The following DNAH7 variants were observed in gnomAD, a reference collection of about 807,000 sequenced individuals.
DNAH7 encodes axonemal beta dynein heavy chain 7.
DNAH7 carries 397 observed loss-of-function variants against 444.6 expected under a neutral mutation model. The observed-to-expected ratio is 0.89, with a 90% CI of 0.82 to 0.97. The LOEUF is 0.97. Among genes scored for constraint, DNAH7 ranks in the 50% least tolerant of loss-of-function variants. The probability of loss-of-function intolerance (pLI) is 0.00; values close to 1 mark genes in which losing one functional copy is unlikely to be tolerated. For missense variants in DNAH7, 4,902 were observed against 4,800.8 expected, an observed-to-expected ratio of 1.02 and a Z score of -0.62; for synonymous variants, 1,636 against 1,624.4, an observed-to-expected ratio of 1.01 and a Z score of -0.17.
At chr2:195,785,841 CTTT>C (rs1328625099) in intron 58 of DNAH7, among the ~76,000 whole-genome samples, 1 of 151,978 alleles carries the variant, frequency 6.6e-6, no homozygotes, top group Non-Finnish European at 1.5e-5. Flanking sequence ...GCTTCTCATC[CTTT>C]TTTATTTTTT....
intron 12 of DNAH7, among the ~76,000 whole-genome samples, chr2:195,991,205 T>C (rs185462343): frequency 4.1e-4 from 62 of 152,132 alleles, no homozygotes; most frequent in African/African-American, 1.4e-3. Context: ...AACTGACTCA[T>C]AGTTTGCCTA....
intron 15 of DNAH7, among the ~76,000 whole-genome samples, chr2:195,973,648 T>C (rs956424775): frequency 6.6e-6 from 1 of 152,070 alleles, no homozygotes; most frequent in Non-Finnish European, 1.5e-5. Context: ...TGTTTTGTAA[T>C]TTGAGTAGAG....
chr2:195,901,006 T>C (rs942973902), intron 27 of DNAH7: 3 of 152,254 alleles, frequency 2.0e-5, no homozygotes, highest in East Asian at 1.9e-4. Flanking sequence ...AAAAAGACCA[T>C]TGTAAAGATA....
chr2:195,968,979 T>A (rs890965741), intron 17 of DNAH7, among the ~76,000 whole-genome samples: 1 of 152,246 alleles, frequency 6.6e-6, no homozygotes, highest in Non-Finnish European at 1.5e-5. Flanking sequence ...ATTCTCTCTC[T>A]GCACCACATG....
In DNAH7 at chr2:195,857,596, A is replaced by G. The variant is rs759794645; in HGVS notation, c.8195T>C (p.Ile2732Thr). ...IPDPTGSGKK[I>T]EDFWGPAKRL... is the part of the protein sequence containing the mutation. ...CTTAGCTGGGCCCCAGAAATCCTCA[A>G]TTTTTTTCCCTGAACCTGTTGGGTC... The change falls in exon 44 of 65, where the codon ATT (isoleucine) becomes ACT (threonine). Residue 2732 changes from isoleucine (I) to threonine (T), a missense_variant. Ile to Thr is a moderately conservative substitution (Grantham distance 89). Coordinates refer to ENST00000312428, the MANE Select transcript of DNAH7 (RefSeq NM_018897.3). The G allele has an allele frequency of 1.9e-6, 3 of 1,613,796 alleles. No individual in the cohort carries two copies. Among genetic ancestry groups the G allele is most frequent in the East Asian group, 4.5e-5 (2 of 44,862 alleles).
At position 195,858,678 on chromosome 2, in the gene DNAH7, T is replaced by C. The variant is rs1177434313; in HGVS notation, c.7863A>G (p.Lys2621=). 3 of 1,614,058 alleles carry C rather than the reference T, an allele frequency of 1.9e-6. No homozygotes were observed. The South Asian group carries it at 3.3e-5, about 18-fold the overall frequency. Residue 2621 remains lysine (K), a synonymous_variant, in exon 43 of 65, where the codon AAA becomes AAG. Transcript: ENST00000312428. ...TCATTATCATCATTTCATCAACCTC[T>C]TTGCTAGCAACTTTTAATTGAGGAT... ...ALHPQLKVAS[K]EVDEMMIMIE...
intron 19 of DNAH7, among the ~76,000 whole-genome samples, chr2:195,942,619 A>G (rs949425865): frequency 6.6e-6 from 1 of 152,152 alleles, no homozygotes; most frequent in Admixed American, 6.6e-5. Context: ...TGTCCCTCAT[A>G]TAGAAGTATT....
chr2:195,960,750 C>G lies in DNAH7; in HGVS notation c.2401G>C (p.Gly801Arg). The G allele has an allele frequency of 9.9e-6, 16 of 1,614,078 alleles. No individual in the cohort carries two copies. Among genetic ancestry groups the G allele is most frequent in the Non-Finnish European group, 1.4e-5 (16 of 1,180,004 alleles). Residue 801 changes from glycine (G) to arginine (R), a missense_variant, in exon 18 of 65, where the codon GGA becomes CGA. Gly to Arg is a moderately radical substitution (Grantham distance 125). Transcript: ENST00000312428. ...VNPDQVEADI[G>R]NYWRGLYKLE... ...TTATATAATCCTCTCCAGTAATTTCCAATATCTGCTTCTACTTGGTCTGGA... is the reference window on the plus strand; with the variant it reads ...TTATATAATCCTCTCCAGTAATTTCGAATATCTGCTTCTACTTGGTCTGGA...
chr2:196,014,171 T>A (rs1694877324), intron 9 of DNAH7, among the ~76,000 whole-genome samples: 1 of 152,196 alleles, frequency 6.6e-6, no homozygotes, highest in Non-Finnish European at 1.5e-5. Context: ...CTGTTCTTGC[T>A]TTCTCAGGAT....
chr2:195,943,094 A>G (rs1364679313), intron 19 of DNAH7, among the ~76,000 whole-genome samples: 1 of 152,108 alleles, frequency 6.6e-6, no homozygotes, highest in Non-Finnish European at 1.5e-5. Context: ...GCTTGCCACC[A>G]TGTAAGATGT....
At chr2:195,931,234 A>G (rs151081502) in intron 21 of DNAH7, among the ~76,000 whole-genome samples, 2,345 of 152,270 alleles carry the variant, frequency 0.015, 62 homozygotes, top group African/African-American at 0.053. Flanking sequence ...TCTTTTGAGA[A>G]GTGTCTGTTC....
At chr2:195,835,651 C>T (rs1007076649) in intron 47 of DNAH7, among the ~76,000 whole-genome samples, 26 of 152,120 alleles carry the variant, frequency 1.7e-4, no homozygotes, top group African/African-American at 5.3e-4. Context: ...CGAGACCATC[C>T]TGGCCAACAT....
At chr2:195,873,277 T>C (rs1700827751) in intron 39 of DNAH7, among the ~76,000 whole-genome samples, 1 of 152,188 alleles carries the variant, frequency 6.6e-6, no homozygotes. Flanking sequence ...CTAGAGGGTA[T>C]CAAAGTCACA....
intron 36 of DNAH7, among the ~76,000 whole-genome samples, chr2:195,880,323 TC>T (rs1367314652): frequency 1.3e-5 from 2 of 148,374 alleles, no homozygotes; most frequent in African/African-American, 5.1e-5. Context: ...CTTCTTTCTT[TC>T]TTTTTCTTTT....
At chr2:195,968,395 G>A (rs1158600118) in intron 17 of DNAH7, among the ~76,000 whole-genome samples, 1 of 152,150 alleles carries the variant, frequency 6.6e-6, no homozygotes, top group Non-Finnish European at 1.5e-5. Context: ...CCAGCCCAGG[G>A]TATGTCTACA....
intron 36 of DNAH7, among the ~76,000 whole-genome samples, chr2:195,880,758 T>A (rs1187905218): frequency 2.6e-5 from 4 of 152,204 alleles, no homozygotes; most frequent in African/African-American, 9.6e-5. Flanking sequence ...ATAATGAAAT[T>A]GAAAAATATT....
At chr2:196,055,855 T>G (rs894948815) in intron 2 of DNAH7, among the ~76,000 whole-genome samples, 6 of 152,202 alleles carry the variant, frequency 3.9e-5, no homozygotes, top group African/African-American at 1.2e-4. Context: ...CCACCCTGAC[T>G]TTTTAAGATC....
chr2:195,847,417 CACTT>C (rs1301966377), intron 46 of DNAH7, among the ~76,000 whole-genome samples: 1 of 151,812 alleles, frequency 6.6e-6, no homozygotes, highest in African/African-American at 2.4e-5. Context: ...TGCATGTTCT[CACTT>C]ATAAGTGGGA....
intron 7 of DNAH7, among the ~76,000 whole-genome samples, chr2:196,025,227 T>C (rs1027904723): frequency 2.6e-5 from 4 of 152,162 alleles, no homozygotes; most frequent in African/African-American, 9.7e-5. Context: ...TTGTTCTCTT[T>C]TAAGTTGCAT....
Sources: allele counts gnomAD v4.1 joint callset (sites outside exome capture counted in the v4.1 genomes callset), GRCh38; gene constraint gnomAD v4.1.1; transcripts MANE v1.5; gene names NCBI Gene and HGNC (gene_info 2026-07-23, HGNC 2026-07-21).